NCR3: variants seen among roughly 807,000 people sequenced by gnomAD.
The protein encoded by NCR3 is natural cytotoxicity triggering receptor 3.
Under a neutral mutation model 16.1 loss-of-function variants are expected in NCR3, and 13 were observed. That is an observed-to-expected ratio of 0.81 (90% CI 0.53 to 1.28). The LOEUF is 1.28. Among genes scored for constraint, NCR3 ranks in the 50% most tolerant of loss-of-function variants. The pLI is 0.00. For missense variants in NCR3, 202 were observed against 256.8 expected (o/e 0.79, Z 1.46); for synonymous variants, 98 against 106.6 (o/e 0.92, Z 0.50).
chr6:31,589,085 G>C lies in NCR3; in HGVS notation c.588C>G (p.Pro196=). 3 of 1,598,204 alleles carry C rather than the reference G, an allele frequency of 1.9e-6. No individual in the cohort carries two copies. The highest frequency in any genetic ancestry group is 1.7e-6 in the Non-Finnish European group (2 of 1,171,528). The change falls in exon 4 of 4, where the codon CCC becomes CCG. Residue 196 remains proline, a synonymous_variant. Coordinates refer to ENST00000340027, the MANE Select transcript of NCR3 (RefSeq NM_147130.3). This position sits in a 1 kb window ranked among gnomAD's most constrained non-coding sequence, Gnocchi z 4.8. ...ATCAGGCTCAGCCTCCTGGGACTGG[G>C]GGAAGCAGATGTGCTGAGCTCCCAC... The part of the protein sequence containing the change: ...PPCGSSAHLL[P]PVPGG
At position 31,589,085 on chromosome 6, in the gene NCR3, G is replaced by A. The variant is rs1220129934; in HGVS notation, c.588C>T (p.Pro196=). 5.6e-6 allele frequency: 9 copies of A among 1,598,086 alleles called. No individual in the cohort carries two copies. Among genetic ancestry groups the A allele is most frequent in the Non-Finnish European group, 7.7e-6 (9 of 1,171,536 alleles). ...PPCGSSAHLL[P]PVPGG The stretch of plus-strand genomic sequence containing the variant: ...ATCAGGCTCAGCCTCCTGGGACTGG[G>A]GGAAGCAGATGTGCTGAGCTCCCAC... The change falls in exon 4 of 4, where the codon CCC becomes CCT. Residue 196 remains proline (P), a synonymous_variant. Transcript: ENST00000340027. The surrounding 1 kb of genome is among the most constrained non-coding windows in gnomAD (Gnocchi z 4.8).
chr6:31,589,865 T>A lies in NCR3; in HGVS notation c.305A>T (p.Asp102Val), dbSNP rs1219112344. Reference protein sequence around the residue: ...ELHIRDVRGHDASIYVCRVEV... With the variant: ...ELHIRDVRGHVASIYVCRVEV... ...CACTCTGCACACGTAGATGCTGGCG[T>A]CATGGCCTCGCACGTCCCGGATGTG... The change falls in exon 2 of 4, where the codon GAC (aspartate) becomes GTC (valine). Residue 102 changes from aspartate to valine, a missense_variant. Transcript: ENST00000340027. This position sits in a 1 kb window ranked among gnomAD's most constrained non-coding sequence, Gnocchi z 4.8. 1 of 1,613,200 alleles carries A rather than the reference T, an allele frequency of 6.2e-7. No homozygotes were observed. The highest frequency in any genetic ancestry group is 1.7e-5 in the Admixed American group (1 of 60,016).
chr6:31,589,941 G>C lies in NCR3; in HGVS notation c.229C>G (p.Leu77Val). Residue 77 changes from leucine (L) to valine (V), a missense_variant, in exon 2 of 4, where the codon CTG becomes GTG. Physicochemically the swap from Leu to Val is conservative, Grantham distance 32. Coordinates refer to ENST00000340027, the MANE Select transcript of NCR3 (RefSeq NM_147130.3). The surrounding 1 kb of genome is among the most constrained non-coding windows in gnomAD (Gnocchi z 4.8). ...AAACGGGAAGAAGCAAGTGGGGCCAGGCGGCCCCTGAACTCTGGGGTTCCA... is the reference window on the plus strand; with the variant it reads ...AAACGGGAAGAAGCAAGTGGGGCCACGCGGCCCCTGAACTCTGGGGTTCCA... Reference protein sequence around the residue: ...RNGTPEFRGRLAPLASSRFLH... With the variant: ...RNGTPEFRGRVAPLASSRFLH... 6.2e-7 allele frequency: 1 copy of C among 1,613,128 alleles called. No individual in the cohort carries two copies. Among genetic ancestry groups the C allele is most frequent in the Non-Finnish European group, 8.5e-7 (1 of 1,180,038 alleles).
At chr6:31,591,297 A>G (rs1772616762) in intron 1 of NCR3, among the ~76,000 whole-genome samples, 1 of 152,242 alleles carries the variant, frequency 6.6e-6, no homozygotes, top group Non-Finnish European at 1.5e-5. Context: ...CTACTTAGGG[A>G]AATTTACAAG....
chr6:31,592,910 C>T lies in NCR3; in HGVS notation c.-189G>A, dbSNP rs2150419521. 4 of 657,452 alleles carry T rather than the reference C, an allele frequency of 6.1e-6. No homozygotes were observed. The East Asian group carries it at 8.2e-5, about 13-fold the overall frequency. The allele number at this position is 657,452 out of a possible 1,614,324, so 40.7% of individuals were successfully genotyped here. A position where few individuals can be genotyped will look rare whatever the true frequency, so the allele number is the denominator to read the frequency against. ...AGGGACCTCGAGCATCAAATGCTTG[C>T]CTCCCTGAGGAGAGAGGACAGATGC... On this transcript the variant is annotated 5_prime_UTR_variant, in exon 1 of 4. Coordinates refer to ENST00000340027, the MANE Select transcript of NCR3 (RefSeq NM_147130.3).
chr6:31,592,048 A>C (rs1436870012), intron 1 of NCR3, among the ~76,000 whole-genome samples: 1 of 151,830 alleles, frequency 6.6e-6, no homozygotes, highest in Non-Finnish European at 1.5e-5. Context: ...TCAGGAGTTC[A>C]AGACCAGCCC....
chr6:31,589,147 G>A lies in NCR3; in HGVS notation c.526C>T (p.Leu176=), dbSNP rs762081587. 6.2e-7 allele frequency: 1 copy of A among 1,613,870 alleles called. No individual in the cohort carries two copies. Among genetic ancestry groups the A allele is most frequent in the Non-Finnish European group, 8.5e-7 (1 of 1,179,928 alleles). ...CLTWKGPRRQ[L]PAVVPAPLPP... ...AGGGGCGCTGGGACCACAGCCGGCAGCTGCCTTCTTGGACCTTTCCAGGTC... is the reference window on the plus strand; with the variant it reads ...AGGGGCGCTGGGACCACAGCCGGCAACTGCCTTCTTGGACCTTTCCAGGTC... The change falls in exon 4 of 4, where the codon CTG becomes TTG. Residue 176 remains leucine (L), a synonymous_variant. Transcript: ENST00000340027. This position sits in a 1 kb window ranked among gnomAD's most constrained non-coding sequence, Gnocchi z 4.8.
At position 31,592,872 on chromosome 6, in the gene NCR3, G is replaced by C; in HGVS notation, c.-151C>G. ...CGGGACTCACACATCACTTGCCAAG[G>C]ACCACAACTGCCAGGGACCTCGAGC... On this transcript the variant is annotated 5_prime_UTR_variant, in exon 1 of 4. Transcript: ENST00000340027. 1.3e-6 allele frequency: 1 copy of C among 747,132 alleles called. No individual in the cohort carries two copies. Among genetic ancestry groups the C allele is most frequent in the Non-Finnish European group, 2.3e-6 (1 of 428,338 alleles). 46.3% of individuals were successfully genotyped at this position (747,132 alleles called of 1,614,324 possible). A position where few individuals can be genotyped will look rare whatever the true frequency, so the allele number is the denominator to read the frequency against.
chr6:31,590,319 C>T (rs1583092000), intron 1 of NCR3, among the ~76,000 whole-genome samples, 193 bp from the exon 2 acceptor site: 1 of 152,114 alleles, frequency 6.6e-6, no homozygotes, highest in African/African-American at 2.4e-5. Flanking sequence ...AATCATTTTT[C>T]GGCTGGGTGC....
At position 31,592,059 on chromosome 6, in the gene NCR3, G is replaced by A. The variant is rs532597210; in HGVS notation, c.43+620C>T. On this transcript the variant is annotated intron_variant, in intron 1 of 3. Coordinates refer to ENST00000340027, the MANE Select transcript of NCR3 (RefSeq NM_147130.3). ...GAGGTCAGGAGTTCAAGACCAGCCC[G>A]GCCAACATGGTAAAACCCTGTCTCT... is the stretch of plus-strand genomic sequence containing the variant. 5.6e-4 allele frequency among the ~76,000 whole-genome samples: 85 copies of A among 152,274 alleles called. 1 individual carries two copies. The South Asian group carries it at 0.015, about 27-fold the overall frequency.
In NCR3 at chr6:31,588,982, G is replaced by C; in HGVS notation, c.*85C>G. The C allele has an allele frequency of 2.1e-6, 3 of 1,405,052 alleles. No individual in the cohort carries two copies. Among genetic ancestry groups the C allele is most frequent in the Non-Finnish European group, 2.8e-6 (3 of 1,053,220 alleles). 87.0% of individuals were successfully genotyped at this position (1,405,052 alleles called of 1,614,324 possible). ...ACCCAAGCTCCCCTAACAGCCAGAA[G>C]AGGGTATGTGTGGGCCTGGCAGGAA... is the stretch of plus-strand genomic sequence containing the variant. On this transcript the variant is annotated 3_prime_UTR_variant, in exon 4 of 4. Coordinates refer to ENST00000340027, the MANE Select transcript of NCR3 (RefSeq NM_147130.3).
chr6:31,589,699 C>T lies in NCR3; in HGVS notation c.389-66G>A. ...ACACAGGCTCAGGGAGGGAAGGGGC[C>T]TCAGAGGAGCATCCCTGCCTCCCAA... On this transcript the variant is annotated intron_variant, in intron 2 of 3. Transcript: ENST00000340027. This position sits in a 1 kb window ranked among gnomAD's most constrained non-coding sequence, Gnocchi z 4.8. The T allele has an allele frequency of 6.2e-7, 1 of 1,607,256 alleles. No homozygotes were observed. The highest frequency in any genetic ancestry group is 1.1e-5 in the South Asian group (1 of 90,804).
intron 1 of NCR3, among the ~76,000 whole-genome samples, chr6:31,592,185 G>T (rs1051276674): frequency 2.0e-5 from 3 of 151,944 alleles, no homozygotes; most frequent in Admixed American, 6.6e-5. Flanking sequence ...AGGAGGCAGA[G>T]GTTGCAGTGA....
chr6:31,588,984 G>T lies in NCR3; in HGVS notation c.*83C>A. 7.1e-7 allele frequency: 1 copy of T among 1,410,610 alleles called. No homozygotes were observed. The highest frequency in any genetic ancestry group is 2.4e-5 in the East Asian group (1 of 40,910). 87.4% of individuals were successfully genotyped at this position (1,410,610 alleles called of 1,614,324 possible). A position where few individuals can be genotyped will look rare whatever the true frequency, so the allele number is the denominator to read the frequency against. On this transcript the variant is annotated 3_prime_UTR_variant, in exon 4 of 4. Transcript: ENST00000340027. ...CCAAGCTCCCCTAACAGCCAGAAGA[G>T]GGTATGTGTGGGCCTGGCAGGAAAG...
At chr6:31,591,975 C>T (rs549139712) in intron 1 of NCR3, among the ~76,000 whole-genome samples, 37 of 151,664 alleles carry the variant, frequency 2.4e-4, no homozygotes, top group African/African-American at 9.0e-4. Context: ...AATGGCTGGG[C>T]GCAGTGGCTC....
At chr6:31,591,535 G>T (rs956934014) in intron 1 of NCR3, among the ~76,000 whole-genome samples, 1 of 152,238 alleles carries the variant, frequency 6.6e-6, no homozygotes, top group Admixed American at 6.5e-5. Flanking sequence ...AACAGTTTCG[G>T]CCGGGTGCAG....
chr6:31,590,013 CG>C lies in NCR3; in HGVS notation c.156del (p.Val53SerfsTer14). ...ACCACCTCATCTCGGAACCACGTGA[CG>C]GAGCCAATGGCCAGTCTCCCTTGGC... The part of the protein sequence containing the change: ...NASQGRLAIG[S>X]VTWFRDEVVP... On this transcript the variant is annotated frameshift_variant, in exon 2 of 4. Transcript: ENST00000340027. LOFTEE classifies it high-confidence loss of function. 1 of 1,613,064 alleles carries C rather than the reference CG, an allele frequency of 6.2e-7. No individual in the cohort carries two copies. Among genetic ancestry groups the C allele is most frequent in the Middle Eastern group, 1.6e-4 (1 of 6,062 alleles).
Position 31,588,896 on chromosome 6 carries a change from C to A in NCR3, c.*171G>T. On this transcript the variant is annotated 3_prime_UTR_variant, in exon 4 of 4. Transcript: ENST00000340027. ...ATTAAAATAAAAAAAACACATGGCT[C>A]ACCCTTCCACCCACTCTGGGGTCAA... is the stretch of plus-strand genomic sequence containing the variant. The A allele has an allele frequency of 1.1e-6, 1 of 882,786 alleles. No individual in the cohort carries two copies. The highest frequency in any genetic ancestry group is 1.7e-6 in the Non-Finnish European group (1 of 584,764). The allele number at this position is 882,786 out of a possible 1,614,324, so 54.7% of individuals were successfully genotyped here.
At position 31,589,630 on chromosome 6, in the gene NCR3, T is replaced by C; in HGVS notation, c.392A>G (p.His131Arg). Residue 131 changes from histidine (H) to arginine (R), a missense_variant, in exon 3 of 4, where the codon CAT (histidine) becomes CGT (arginine). By Grantham distance (29) the His-to-Arg change is conservative. Transcript: ENST00000340027. The surrounding 1 kb of genome is among the most constrained non-coding windows in gnomAD (Gnocchi z 4.8). ...NGTRLVVEKE[H>R]PQLGAGTVLL... ...GACTGTACCAGCCCCTAGCTGAGGA[T>C]GTTCTGCATGGGGCAATGGAGACGG... 6 of 1,613,428 alleles carry C rather than the reference T, an allele frequency of 3.7e-6. No individual in the cohort carries two copies. The highest frequency in any genetic ancestry group is 5.1e-6 in the Non-Finnish European group (6 of 1,179,990).
Sources: allele counts gnomAD v4.1 joint callset (sites outside exome capture counted in the v4.1 genomes callset), GRCh38; gene constraint gnomAD v4.1.1; non-coding constraint Gnocchi (gnomAD v3.1); transcripts MANE v1.5; gene names NCBI Gene and HGNC (gene_info 2026-07-23, HGNC 2026-07-21).